Variants in KANK1 observed in about 807,000 individuals in gnomAD.
The protein encoded by KANK1 is KN motif and ankyrin repeat domains 1, also known as KN motif and ankyrin repeat domain-containing protein 1.
In KANK1, 109 loss-of-function variants were observed where a neutral mutation model predicts 106.2. That is an observed-to-expected ratio of 1.03 (90% CI 0.88 to 1.20). The LOEUF is 1.20. Among genes scored for constraint, KANK1 ranks in the 50% most tolerant of loss-of-function variants. The probability of loss-of-function intolerance (pLI) is 0.00; values close to 1 mark genes in which losing one functional copy is unlikely to be tolerated. For synonymous variants in KANK1, 873 were observed against 652.2 expected (o/e 1.34, Z -5.16); for missense variants, 2,399 against 1,710.7 (o/e 1.40, Z -7.10).
intron 1 of KANK1, among the ~76,000 whole-genome samples, chr9:668,175 A>T (rs1214228854): frequency 6.6e-6 from 1 of 152,186 alleles, no homozygotes; most frequent in Non-Finnish European, 1.5e-5. Context: ...CCATGTACTG[A>T]TGAAACGTGT....
chr9:738,145 T>G (rs1834284891), intron 7 of KANK1, 140 bp from the exon 8 acceptor site: 1 of 662,822 alleles, frequency 1.5e-6, no homozygotes, highest in Admixed American at 2.8e-5. Context: ...GAAGCTTCTC[T>G]TAGGGCTGTT....
chr9:673,734 T>C (rs927702733), intron 1 of KANK1: 17 of 152,118 alleles, frequency 1.1e-4, no homozygotes, highest in African/African-American at 4.1e-4. Flanking sequence ...TCCATCCAAA[T>C]ACCTTGACAC....
intron 3 of KANK1, among the ~76,000 whole-genome samples, chr9:480,346 A>T (rs1439706836): frequency 6.6e-6 from 1 of 152,246 alleles, no homozygotes; most frequent in Non-Finnish European, 1.5e-5. Context: ...TGTGAGTACA[A>T]AAGGCTAGGT....
chr9:673,099 G>T lies in KANK1; in HGVS notation c.-83-3791G>T, dbSNP rs140283022. ...GAATGAGCACTCACAATTTGAGGCC[G>T]CCTGTCAGCATGAATAATAACTGAG... On this transcript the variant is annotated intron_variant, in intron 1 of 11. Coordinates refer to ENST00000382297, the MANE Select transcript of KANK1 (RefSeq NM_015158.5). Among the ~76,000 whole-genome samples the T allele has an allele frequency of 5.3e-5, 8 of 151,860 alleles. No homozygotes were observed. In the East Asian group the frequency reaches 1.5e-3, roughly 29 times the overall value.
At chr9:550,811 C>T (rs2061234183) in intron 1 of KANK1, among the ~76,000 whole-genome samples, 1 of 152,100 alleles carries the variant, frequency 6.6e-6, no homozygotes, top group Non-Finnish European at 1.5e-5. Context: ...TTCATTTCAT[C>T]CTATTTCTTT....
intron 1 of KANK1, among the ~76,000 whole-genome samples, chr9:669,217 A>G (rs1845358336): frequency 6.6e-6 from 1 of 152,184 alleles, no homozygotes; most frequent in South Asian, 2.1e-4. Context: ...GTGTCATACT[A>G]GAATTATGGG....
chr9:521,206 A>G (rs189197030), intron 1 of KANK1, among the ~76,000 whole-genome samples: 17 of 151,900 alleles, frequency 1.1e-4, no homozygotes, highest in Admixed American at 8.5e-4. Context: ...TTGTGCCTCA[A>G]TTGGTTATTC....
At chr9:531,317 G>A (rs2060045522) in intron 1 of KANK1, among the ~76,000 whole-genome samples, 1 of 152,108 alleles carries the variant, frequency 6.6e-6, no homozygotes, top group African/African-American at 2.4e-5. Flanking sequence ...TATAGTCCCA[G>A]CTACTGAGGA....
chr9:558,634 G>A (rs1256057560), intron 1 of KANK1, among the ~76,000 whole-genome samples: 2 of 151,886 alleles, frequency 1.3e-5, no homozygotes, highest in South Asian at 4.2e-4. Flanking sequence ...ACGACACTAA[G>A]GCATGATGTT....
intron 2 of KANK1, among the ~76,000 whole-genome samples, chr9:685,150 G>A (rs753364266): frequency 5.3e-5 from 8 of 152,216 alleles, no homozygotes; most frequent in Non-Finnish European, 1.0e-4. Context: ...TACAGGCTAA[G>A]CCTGGTTCTG....
At chr9:661,645 T>G (rs1843338580) in intron 1 of KANK1, among the ~76,000 whole-genome samples, 1 of 152,146 alleles carries the variant, frequency 6.6e-6, no homozygotes, top group Non-Finnish European at 1.5e-5. Context: ...TATCCAGTAA[T>G]GGGATCACTG....
chr9:491,044 C>G (rs1400052038), intron 3 of KANK1, among the ~76,000 whole-genome samples: 1 of 149,018 alleles, frequency 6.7e-6, no homozygotes, highest in Non-Finnish European at 1.5e-5. Context: ...ACTGCAGCCT[C>G]AAACTCTTGG....
At chr9:734,599 G>A (rs1833249608) in intron 6 of KANK1, 149 bp from the exon 7 acceptor site, 1 of 544,624 alleles carries the variant, frequency 1.8e-6, no homozygotes, top group Non-Finnish European at 3.4e-6. Flanking sequence ...CCAGGAGGCG[G>A]AGGTTGCAGT....
intron 1 of KANK1, among the ~76,000 whole-genome samples, chr9:629,871 T>C (rs538070358): frequency 1.3e-5 from 2 of 152,360 alleles, no homozygotes; most frequent in African/African-American, 4.8e-5. Flanking sequence ...GAGTGTTTTC[T>C]GTGTGTCAGG....
chr9:660,805 T>C (rs926609565), intron 1 of KANK1, among the ~76,000 whole-genome samples: 3 of 152,186 alleles, frequency 2.0e-5, no homozygotes, highest in African/African-American at 4.8e-5. Context: ...CTGGTGTCTA[T>C]AACCTGACCA....
At position 561,247 on chromosome 9, in the gene KANK1, T is replaced by C. The variant is rs973694262; in HGVS notation, c.-84+56493T>C. Reference sequence around the variant, plus strand: ...GGATATGTTTTTCTATTTCAATCAATTAAGAATTTTTGCTTTGTAAACACA... The same window carrying C: ...GGATATGTTTTTCTATTTCAATCAACTAAGAATTTTTGCTTTGTAAACACA... On this transcript the variant is annotated intron_variant, in intron 1 of 11. Coordinates refer to ENST00000382297, the MANE Select transcript of KANK1 (RefSeq NM_015158.5). 3.3e-5 allele frequency among the ~76,000 whole-genome samples: 5 copies of C among 151,900 alleles called. No homozygotes were observed. In the East Asian group the frequency reaches 9.6e-4, roughly 29 times the overall value.
intron 1 of KANK1, among the ~76,000 whole-genome samples, chr9:669,518 G>GT (rs76289962): frequency 0.34 from 52,169 of 151,846 alleles, 9,418 homozygotes; most frequent in Non-Finnish European, 0.4. Flanking sequence ...GTTTTTTGGG[G>GT]TTTTTTCTTT....
intron 3 of KANK1, among the ~76,000 whole-genome samples, chr9:488,796 A>G (rs1478840877): frequency 2.0e-5 from 3 of 152,224 alleles, no homozygotes; most frequent in African/African-American, 7.2e-5. Flanking sequence ...TATTCTAAGA[A>G]TAGCATAGCT....
intron 1 of KANK1, among the ~76,000 whole-genome samples, chr9:621,172 G>C (rs900675602): frequency 3.9e-5 from 6 of 152,018 alleles, no homozygotes; most frequent in Admixed American, 2.6e-4. Flanking sequence ...TTTCTTTGGG[G>C]CCTCACCTAA....
Sources: allele counts gnomAD v4.1 joint callset (sites outside exome capture counted in the v4.1 genomes callset), GRCh38; gene constraint gnomAD v4.1.1; transcripts MANE v1.5; gene names NCBI Gene and HGNC (gene_info 2026-07-23, HGNC 2026-07-21).